Variants in CHLSN observed in about 807,000 individuals in gnomAD.
CHLSN encodes the protein protein cholesin.
At chr7:1,091,855 G>C in the CHLSN span, 1 of 1,612,718 alleles carries the variant, frequency 6.2e-7, no homozygotes, top group Non-Finnish European at 8.5e-7. Context: ...CACCGCCCTG[G>C]CCAATGGGAC....
At chr7:1,029,790 G>A in the CHLSN span, among the ~76,000 whole-genome samples, 1 of 152,248 alleles carries the variant, frequency 6.6e-6, no homozygotes, top group Non-Finnish European at 1.5e-5. Flanking sequence ...GGATCTGCAA[G>A]GCCGGAGTCA....
chr7:1,071,551 G>C, the CHLSN span, among the ~76,000 whole-genome samples: 8 of 82,464 alleles, frequency 9.7e-5, no homozygotes, highest in African/African-American at 3.8e-4. Flanking sequence ...AAAGCAGGCA[G>C]GAGAGGGAGG....
chr7:1,087,546 C>G, the CHLSN span, among the ~76,000 whole-genome samples: 2 of 152,156 alleles, frequency 1.3e-5, no homozygotes, highest in African/African-American at 4.8e-5. Flanking sequence ...GCCCGCCACA[C>G]GAGGTCAGGT....
the CHLSN span, among the ~76,000 whole-genome samples, chr7:1,085,329 AAG>A: frequency 6.6e-6 from 1 of 152,242 alleles, no homozygotes; most frequent in South Asian, 2.1e-4. Context: ...AGTGCCTGAA[AAG>A]ATGACTATTG....
chr7:1,098,194 G>A, the CHLSN span, among the ~76,000 whole-genome samples: 6 of 152,192 alleles, frequency 3.9e-5, no homozygotes, highest in Admixed American at 2.0e-4. Context: ...AAGAGGCTCC[G>A]TGGCGGCAGG....
the CHLSN span, among the ~76,000 whole-genome samples, chr7:1,104,287 T>C: frequency 6.6e-6 from 1 of 152,212 alleles, no homozygotes; most frequent in South Asian, 2.1e-4. Context: ...ATGCATGCAG[T>C]GGCCCGGGAG....
chr7:1,126,928 C>T, the CHLSN span, among the ~76,000 whole-genome samples: 54 of 152,282 alleles, frequency 3.5e-4, no homozygotes, highest in African/African-American at 1.1e-3. Flanking sequence ...GGAGCCGCCC[C>T]TCGCACCTTC....
the CHLSN span, among the ~76,000 whole-genome samples, chr7:1,009,460 C>T: frequency 6.6e-6 from 1 of 151,912 alleles, no homozygotes; most frequent in East Asian, 1.9e-4. Flanking sequence ...CCCAGCCACG[C>T]CGCAGGCACC....
chr7:1,112,625 G>A, the CHLSN span, among the ~76,000 whole-genome samples: 81 of 151,580 alleles, frequency 5.3e-4, no homozygotes, highest in African/African-American at 1.8e-3. Context: ...AAGCAAACGA[G>A]CTTTAATTCT....
the CHLSN span, among the ~76,000 whole-genome samples, chr7:1,049,176 T>G: frequency 7.2e-5 from 11 of 152,204 alleles, no homozygotes; most frequent in African/African-American, 2.2e-4. Context: ...GGGGCCCATG[T>G]TGTTGTCACC....
At chr7:1,044,407 C>T in the CHLSN span, among the ~76,000 whole-genome samples, 2 of 152,220 alleles carry the variant, frequency 1.3e-5, no homozygotes, top group East Asian at 1.9e-4. Context: ...ACCGCCACCG[C>T]CCCCCAACCT....
At chr7:1,127,292 C>T in the CHLSN span, 3 of 1,610,162 alleles carry the variant, frequency 1.9e-6, no homozygotes, top group Non-Finnish European at 2.5e-6. Context: ...GGTGCAGCCT[C>T]AGGGCCCAGC....
At chr7:1,065,701 G>T in the CHLSN span, among the ~76,000 whole-genome samples, 1 of 152,208 alleles carries the variant, frequency 6.6e-6, no homozygotes, top group South Asian at 2.1e-4. Context: ...CCCTTGCCGG[G>T]GTGCTGGTGA....
the CHLSN span, among the ~76,000 whole-genome samples, chr7:1,029,447 A>G: frequency 6.6e-6 from 1 of 152,046 alleles, no homozygotes; most frequent in Non-Finnish European, 1.5e-5. Context: ...TTTTGGAGAG[A>G]TGGGGTCTCA....
At chr7:1,113,368 G>A in the CHLSN span, among the ~76,000 whole-genome samples, 4 of 152,328 alleles carry the variant, frequency 2.6e-5, no homozygotes, top group African/African-American at 9.6e-5. Context: ...AGGAGTGCCC[G>A]CTCCCAGAAG....
the CHLSN span, among the ~76,000 whole-genome samples, chr7:1,038,284 A>G: frequency 0.039 from 2,619 of 66,788 alleles, 180 homozygotes; most frequent in Middle Eastern, 0.083. Flanking sequence ...CTGGCCAGCC[A>G]TGCCGTCCGG....
the CHLSN span, among the ~76,000 whole-genome samples, chr7:1,132,551 G>C: frequency 6.6e-6 from 1 of 152,028 alleles, no homozygotes; most frequent in Non-Finnish European, 1.5e-5. Context: ...AAAATTAGCT[G>C]GGCATGGTGA....
chr7:1,136,485 T>C, the CHLSN span, among the ~76,000 whole-genome samples: 1 of 123,418 alleles, frequency 8.1e-6, no homozygotes, highest in Admixed American at 9.1e-5. Context: ...TATATAAACA[T>C]ATATAAACAT....
the CHLSN span, among the ~76,000 whole-genome samples, chr7:1,036,269 T>TCG: frequency 6.6e-6 from 1 of 152,052 alleles, no homozygotes; most frequent in Admixed American, 6.5e-5. Context: ...CTTCGGGCGG[T>TCG]TGTGCTGTGG....
Sources: allele counts gnomAD v4.1 joint callset (sites outside exome capture counted in the v4.1 genomes callset), GRCh38; gene constraint gnomAD v4.1.1; transcripts MANE v1.5; gene names NCBI Gene and HGNC (gene_info 2026-07-23, HGNC 2026-07-21).